The following KCNQ3 variants were observed in gnomAD, a reference collection of about 807,000 sequenced individuals.
KCNQ3 encodes potassium voltage-gated channel subfamily Q member 3, also known as potassium voltage-gated channel subfamily KQT member 3.
In KCNQ3, 30 loss-of-function variants were observed where a neutral mutation model predicts 92.5. That is an observed-to-expected ratio of 0.32 (90% CI 0.24 to 0.44). The LOEUF is 0.44. Ranked by LOEUF, KCNQ3 falls within the 20% of genes least tolerant of loss-of-function variation. The pLI is 1.00. For synonymous variants in KCNQ3, 450 were observed against 468.8 expected, an observed-to-expected ratio of 0.96 and a Z score of 0.52; for missense variants, 913 against 1,140.3, an observed-to-expected ratio of 0.80 and a Z score of 2.87.
intron 1 of KCNQ3, among the ~76,000 whole-genome samples, chr8:132,320,592 C>T (rs1817868523): frequency 1.3e-5 from 2 of 152,050 alleles, no homozygotes; most frequent in African/African-American, 4.8e-5. Flanking sequence ...TTACCCCATT[C>T]AATTCTGAGG....
At chr8:132,391,327 T>C (rs2130770524) in intron 1 of KCNQ3, among the ~76,000 whole-genome samples, 1 of 152,286 alleles carries the variant, frequency 6.6e-6, no homozygotes, top group Admixed American at 6.5e-5. Flanking sequence ...GCATGATCTC[T>C]GAAAGCCTCA....
intron 10 of KCNQ3, 127 bp from the exon 11 acceptor site, chr8:132,140,305 G>A: frequency 3.0e-6 from 2 of 657,930 alleles, no homozygotes; most frequent in Non-Finnish European, 5.4e-6. Context: ...TTTCCACGTT[G>A]CAAGACTCCA....
At chr8:132,447,991 A>G (rs1221426863) in intron 1 of KCNQ3, among the ~76,000 whole-genome samples, 1 of 152,098 alleles carries the variant, frequency 6.6e-6, no homozygotes, top group Non-Finnish European at 1.5e-5. Flanking sequence ...CTTTAGCTGC[A>G]CTTACTTTGT....
Position 132,186,602 on chromosome 8 carries a change from G to A in KCNQ3, c.387-421C>T, listed in dbSNP as rs528219018. ...AAAAATATATGAAAATGTTTTCTTA[G>A]AATGAAGAAAACACAAATTTATTCC... On this transcript the variant is annotated intron_variant, in intron 1 of 14. Coordinates refer to ENST00000388996, the MANE Select transcript of KCNQ3 (RefSeq NM_004519.4). 5 of 313,510 alleles carry A rather than the reference G, an allele frequency of 1.6e-5. 1 individual carries two copies. The East Asian group carries it at 4.3e-4, about 27-fold the overall frequency. 19.4% of individuals were successfully genotyped at this position (313,510 alleles called of 1,614,324 possible).
chr8:132,218,407 A>C (rs1586837426), intron 1 of KCNQ3, among the ~76,000 whole-genome samples: 1 of 152,364 alleles, frequency 6.6e-6, no homozygotes. Context: ...GAATAAATGA[A>C]TGAGTGAATG....
rs929424869 is a variant in KCNQ3, at chr8:132,258,822, A to G, written c.387-72641T>C. On this transcript the variant is annotated intron_variant, in intron 1 of 14. Coordinates refer to ENST00000388996, the MANE Select transcript of KCNQ3 (RefSeq NM_004519.4). ...TAAAATTTGGAATGAAATAGAGAAC[A>G]TTACTAGTGGTCTTAAAGAAATAAA... Among the ~76,000 whole-genome samples, 20 of 152,186 alleles carry G rather than the reference A, an allele frequency of 1.3e-4. 1 individual carries two copies. Among genetic ancestry groups the G allele is most frequent in the African/African-American group, 4.8e-4 (20 of 41,574 alleles).
rs529682022 is a variant in KCNQ3 at position 132,457,306 on chromosome 8, A to G, written c.386+22841T>C. Among the ~76,000 whole-genome samples, 78 of 152,310 alleles carry G rather than the reference A, an allele frequency of 5.1e-4. 1 individual carries two copies. Among genetic ancestry groups the G allele is most frequent in the Non-Finnish European group, 4.4e-5 (3 of 68,028 alleles). ...GAGAAATCCCAAAATGTGTCCATAT[A>G]GTTTTTCAGGGAAGAAAGATACAGA... On this transcript the variant is annotated intron_variant, in intron 1 of 14. Transcript: ENST00000388996.
At chr8:132,414,424 C>G (rs1288062619) in intron 1 of KCNQ3, among the ~76,000 whole-genome samples, 1 of 152,228 alleles carries the variant, frequency 6.6e-6, no homozygotes, top group Non-Finnish European at 1.5e-5. Context: ...GGATGACTTG[C>G]TCGGAGCCCT....
Position 132,210,019 on chromosome 8 carries a change from G to A in KCNQ3, c.387-23838C>T, listed in dbSNP as rs148153892. 1.1e-3 allele frequency among the ~76,000 whole-genome samples: 166 copies of A among 152,316 alleles called. 1 individual carries two copies. The highest frequency in any genetic ancestry group is 3.8e-3 in the African/African-American group (157 of 41,558). On this transcript the variant is annotated intron_variant, in intron 1 of 14. Transcript: ENST00000388996. ...TTTAACAAGGATATTCTTCCAGGAT[G>A]TAATGATGACTTAGACTTCCTGGGC...
At chr8:132,467,005 G>A (rs1287443982) in intron 1 of KCNQ3, among the ~76,000 whole-genome samples, 1 of 152,172 alleles carries the variant, frequency 6.6e-6, no homozygotes, top group Non-Finnish European at 1.5e-5. Flanking sequence ...AAGAGAGAAT[G>A]CCAGCACTCA....
intron 1 of KCNQ3, among the ~76,000 whole-genome samples, chr8:132,365,841 G>A (rs1169690747): frequency 6.6e-6 from 1 of 152,100 alleles, no homozygotes; most frequent in African/African-American, 2.4e-5. Context: ...ACTAGCCTAG[G>A]CAACATGGCG....
intron 1 of KCNQ3, among the ~76,000 whole-genome samples, chr8:132,187,847 T>C (rs1827037245): frequency 8.1e-6 from 1 of 123,130 alleles, no homozygotes; most frequent in African/African-American, 3.8e-5. Context: ...GTGGTGGTGG[T>C]GGTAGTGATG....
Position 132,172,774 on chromosome 8 carries a change from C to T in KCNQ3, c.1045-81G>A, listed in dbSNP as rs558029120. 69 of 981,978 alleles carry T rather than the reference C, an allele frequency of 7.0e-5. No homozygotes were observed. In the African/African-American group the frequency reaches 1.1e-3, roughly 15 times the overall value. 60.8% of individuals were successfully genotyped at this position (981,978 alleles called of 1,614,324 possible). On this transcript the variant is annotated intron_variant, in intron 6 of 14. Coordinates refer to ENST00000388996, the MANE Select transcript of KCNQ3 (RefSeq NM_004519.4). Reference sequence around the variant, plus strand: ...CGCTCCATTGCCAGGGTAATGGGGACTGTAGGGCTCAATTGCACTTCAAGT... The same window carrying T: ...CGCTCCATTGCCAGGGTAATGGGGATTGTAGGGCTCAATTGCACTTCAAGT...
chr8:132,245,031 A>G (rs1815120229), intron 1 of KCNQ3, among the ~76,000 whole-genome samples: 2 of 152,058 alleles, frequency 1.3e-5, no homozygotes, highest in South Asian at 4.2e-4. Context: ...CATAAGTGCA[A>G]CCACAATATA....
chr8:132,250,240 A>C (rs1027503029), intron 1 of KCNQ3, among the ~76,000 whole-genome samples: 4 of 152,186 alleles, frequency 2.6e-5, no homozygotes, highest in Non-Finnish European at 5.9e-5. Flanking sequence ...CCAGGGGAAG[A>C]GAGTCTGACA....
At chr8:132,361,173 T>A (rs1819157869) in intron 1 of KCNQ3, among the ~76,000 whole-genome samples, 1 of 152,180 alleles carries the variant, frequency 6.6e-6, no homozygotes, top group South Asian at 2.1e-4. Flanking sequence ...TATGCGAGAC[T>A]CCAAAGTCCA....
intron 1 of KCNQ3, among the ~76,000 whole-genome samples, chr8:132,307,133 G>A (rs1360367505): frequency 6.6e-6 from 1 of 152,214 alleles, no homozygotes; most frequent in African/African-American, 2.4e-5. Context: ...AAAACTTGGA[G>A]CCTGAGTTTG....
chr8:132,186,962 G>C (rs958139857), intron 1 of KCNQ3, among the ~76,000 whole-genome samples: 109 of 137,722 alleles, frequency 7.9e-4, no homozygotes, highest in Middle Eastern at 3.6e-3. Context: ...GAGACAGAGA[G>C]AGAGAGAGAG....
chr8:132,419,718 C>A (rs1820915176), intron 1 of KCNQ3, among the ~76,000 whole-genome samples: 1 of 152,106 alleles, frequency 6.6e-6, no homozygotes, highest in Non-Finnish European at 1.5e-5. Flanking sequence ...CTTTGATGGT[C>A]AATATTATTA....
Sources: allele counts gnomAD v4.1 joint callset (sites outside exome capture counted in the v4.1 genomes callset), GRCh38; gene constraint gnomAD v4.1.1; transcripts MANE v1.5; gene names NCBI Gene and HGNC (gene_info 2026-07-23, HGNC 2026-07-21).